Variants in TCF4 observed in about 807,000 individuals in gnomAD.
TCF4 encodes the protein transcription factor 4.
In TCF4, 3 loss-of-function variants were observed where a neutral mutation model predicts 82.1. The observed-to-expected ratio is 0.04, with a 90% CI of 0.02 to 0.09. TCF4 has a LOEUF of 0.09. Among genes scored for constraint, TCF4 ranks in the 10% least tolerant of loss-of-function variants. TCF4 has a pLI of 1.00. For missense variants in TCF4, 518 were observed against 852.7 expected (o/e 0.61, Z 4.89); for synonymous variants, 276 against 309.6 (o/e 0.89, Z 1.14).
At chr18:55,276,334 T>G (rs750581210) in intron 9 of TCF4, among the ~76,000 whole-genome samples, 17 of 152,144 alleles carry the variant, frequency 1.1e-4, no homozygotes, top group Non-Finnish European at 1.6e-4. Flanking sequence ...TTTTATTTTT[T>G]GGTGTATAGG....
At chr18:55,616,719 A>C (rs550429107) in intron 2 of TCF4, among the ~76,000 whole-genome samples, 1 of 152,002 alleles carries the variant, frequency 6.6e-6, no homozygotes, top group East Asian at 1.9e-4. Context: ...AGCATCTTTC[A>C]TATACCTGTT....
At chr18:55,302,757 C>G in intron 8 of TCF4, 1 of 678,430 alleles carries the variant, frequency 1.5e-6, no homozygotes, top group Non-Finnish European at 2.3e-6. Flanking sequence ...AGGCATGAGG[C>G]GTCCCCTGGA....
chr18:55,239,870 C>T (rs960473332), intron 15 of TCF4, among the ~76,000 whole-genome samples: 1 of 152,160 alleles, frequency 6.6e-6, no homozygotes. Context: ...CTCTTTGTTT[C>T]CAGGGAGTAT....
At chr18:55,536,931 G>A (rs951442541) in intron 3 of TCF4, among the ~76,000 whole-genome samples, 29 of 150,988 alleles carry the variant, frequency 1.9e-4, no homozygotes, top group African/African-American at 3.9e-4. Flanking sequence ...TCAGGAGATC[G>A]AGAACATCCT....
chr18:55,366,872 A>AATTTCCAT (rs1238000768), intron 6 of TCF4, among the ~76,000 whole-genome samples: 1 of 152,152 alleles, frequency 6.6e-6, no homozygotes, highest in African/African-American at 2.4e-5. Context: ...CTTATACACA[A>AATTTCCAT]ATTTCCATAT....
rs2048724699 is a variant in TCF4, at chr18:55,234,267, GAA to G, written c.1486+279_1486+280del. The stretch of plus-strand genomic sequence containing the variant: ...AGAGGACCTGAATGAGAAAAATGTG[GAA>G]ATAGCTAAAATAAAATTTCCTCTCA... On this transcript the variant is annotated intron_variant, in intron 16 of 19. Coordinates refer to ENST00000354452, the MANE Select transcript of TCF4 (RefSeq NM_001083962.2). 8.7e-6 allele frequency: 5 copies of G among 572,170 alleles called. No homozygotes were observed. In the East Asian group the frequency reaches 1.4e-4, roughly 16 times the overall value. The allele number at this position is 572,170 out of a possible 1,614,324, so 35.4% of individuals were successfully genotyped here. A position where few individuals can be genotyped will look rare whatever the true frequency, so the allele number is the denominator to read the frequency against.
intron 8 of TCF4, among the ~76,000 whole-genome samples, chr18:55,327,512 A>G (rs75213039): frequency 0.011 from 1,654 of 152,218 alleles, 44 homozygotes; most frequent in African/African-American, 0.036. Flanking sequence ...TGTCTTTTTT[A>G]GTGACTTCCT....
chr18:55,504,222 G>C (rs1424149565), intron 3 of TCF4, among the ~76,000 whole-genome samples: 2 of 152,182 alleles, frequency 1.3e-5, no homozygotes, highest in Non-Finnish European at 2.9e-5. Flanking sequence ...CTGCTCCCAT[G>C]AACTCTACAA....
At chr18:55,384,234 A>C (rs2092359540) in intron 6 of TCF4, 1 of 152,248 alleles carries the variant, frequency 6.6e-6, no homozygotes, top group Admixed American at 6.5e-5. Flanking sequence ...ACTGAAAAGG[A>C]GAAAAGATGG....
intron 5 of TCF4, among the ~76,000 whole-genome samples, chr18:55,460,041 A>AGCT (rs1214434669): frequency 1.3e-5 from 2 of 152,202 alleles, no homozygotes; most frequent in African/African-American, 2.4e-5. Context: ...TAACTGGTAT[A>AGCT]GCTTCCAAAG....
At chr18:55,609,157 T>C (rs2097704853) in intron 2 of TCF4, among the ~76,000 whole-genome samples, 1 of 152,142 alleles carries the variant, frequency 6.6e-6, no homozygotes, top group Non-Finnish European at 1.5e-5. Context: ...CCCACAGAAC[T>C]GTGAGAAAAA....
In TCF4 at chr18:55,534,359, A is replaced by G. The variant is rs187933686; in HGVS notation, c.145+50921T>C. ...ATGAATGCACAAATAGGTCCCATAGACAGTAAGTTCCATGAAGAAAAATAC... is the reference window on the plus strand; with the variant it reads ...ATGAATGCACAAATAGGTCCCATAGGCAGTAAGTTCCATGAAGAAAAATAC... On this transcript the variant is annotated intron_variant, in intron 3 of 19. Coordinates refer to ENST00000354452, the MANE Select transcript of TCF4 (RefSeq NM_001083962.2). Among the ~76,000 whole-genome samples, 270 of 152,350 alleles carry G rather than the reference A, an allele frequency of 1.8e-3. 4 individuals are homozygous for G. The highest frequency in any genetic ancestry group is 6.3e-3 in the African/African-American group (262 of 41,578).
At chr18:55,314,501 T>C (rs557469065) in intron 8 of TCF4, among the ~76,000 whole-genome samples, 2 of 151,940 alleles carry the variant, frequency 1.3e-5, no homozygotes, top group East Asian at 1.9e-4. Context: ...TAAATACGCA[T>C]GTAACATCAA....
In TCF4 at chr18:55,512,019, C is replaced by T. The variant is rs148885180; in HGVS notation, c.146-47882G>A. Among the ~76,000 whole-genome samples, 692 of 152,198 alleles carry T rather than the reference C, an allele frequency of 4.5e-3. 2 individuals carry two copies. Among genetic ancestry groups the T allele is most frequent in the African/African-American group, 0.016 (651 of 41,542 alleles). ...TAATAAGAATCATGAACATGAAAAA[C>T]GTTCAGTGTCATTAATCCAGAAAAT... On this transcript the variant is annotated intron_variant, in intron 3 of 19. Coordinates refer to ENST00000354452, the MANE Select transcript of TCF4 (RefSeq NM_001083962.2).
intron 8 of TCF4, among the ~76,000 whole-genome samples, chr18:55,326,059 G>A (rs902975180): frequency 6.6e-6 from 1 of 152,090 alleles, no homozygotes; most frequent in African/African-American, 2.4e-5. Flanking sequence ...TAAAGACAAA[G>A]AATTAAGGCT....
intron 11 of TCF4, among the ~76,000 whole-genome samples, chr18:55,262,856 G>C (rs2058331208): frequency 6.6e-6 from 1 of 152,116 alleles, no homozygotes; most frequent in South Asian, 2.1e-4. Flanking sequence ...GCCCAGGCTG[G>C]AGTGCAGTGG....
At chr18:55,388,143 G>A (rs2092753657) in intron 6 of TCF4, among the ~76,000 whole-genome samples, 1 of 152,180 alleles carries the variant, frequency 6.6e-6, no homozygotes, top group African/African-American at 2.4e-5. Flanking sequence ...CCTACAACAA[G>A]GTTACAAAAT....
At chr18:55,578,444 C>G (rs763785169) in intron 3 of TCF4, among the ~76,000 whole-genome samples, 81 of 151,980 alleles carry the variant, frequency 5.3e-4, no homozygotes, top group Non-Finnish European at 8.8e-4. Flanking sequence ...GGCTCCTTAC[C>G]TAAAAAATAG....
intron 8 of TCF4, among the ~76,000 whole-genome samples, chr18:55,318,423 G>A (rs1330781907): frequency 6.6e-6 from 1 of 151,800 alleles, no homozygotes; most frequent in African/African-American, 2.4e-5. Flanking sequence ...AATCTGTTTC[G>A]TAGTTCAGAA....
Sources: allele counts gnomAD v4.1 joint callset (sites outside exome capture counted in the v4.1 genomes callset), GRCh38; gene constraint gnomAD v4.1.1; transcripts MANE v1.5; gene names NCBI Gene and HGNC (gene_info 2026-07-23, HGNC 2026-07-21).